Variants in DNAJC9 observed in about 807,000 individuals in gnomAD.
DNAJC9 encodes dnaJ homolog subfamily C member 9.
Under a neutral mutation model 32.4 loss-of-function variants are expected in DNAJC9, and 18 were observed. The ratio of observed to expected loss-of-function variants is 0.56; its 90% CI spans 0.38 to 0.82. The LOEUF is 0.82. Ranked by LOEUF, DNAJC9 falls within the 40% of genes least tolerant of loss-of-function variation. The probability of loss-of-function intolerance (pLI) is 0.00; values close to 1 mark genes in which losing one functional copy is unlikely to be tolerated. For missense variants in DNAJC9, 310 were observed against 321.8 expected (o/e 0.96, Z 0.28); for synonymous variants, 113 against 122.1 (o/e 0.93, Z 0.49).
chr10:73,235,516 T>A, downstream of DNAJC9: 1 of 1,258,244 alleles, frequency 7.9e-7, no homozygotes, highest in Non-Finnish European at 1.1e-6. Flanking sequence ...TAATGCCTTA[T>A]ACAGAAATCA....
chr10:73,236,984 G>A (rs973682331), downstream of DNAJC9, among the ~76,000 whole-genome samples: 1 of 152,108 alleles, frequency 6.6e-6, no homozygotes, highest in Non-Finnish European at 1.5e-5. Context: ...AAAGTGCTGG[G>A]ACTACAGGCA....
At chr10:73,233,691 C>A (rs904468830) in intron 2 of DNAJC9, among the ~76,000 whole-genome samples, 1 of 152,172 alleles carries the variant, frequency 6.6e-6, no homozygotes, top group Non-Finnish European at 1.5e-5. Flanking sequence ...TTCTGTTGAT[C>A]TAGCTAAAGA....
chr10:73,241,213 A>G (rs2043945807), downstream of DNAJC9: 6 of 550,838 alleles, frequency 1.1e-5, no homozygotes, highest in Admixed American at 1.5e-4. Flanking sequence ...TTCTATCTCC[A>G]GTTACTGTCT....
Position 73,243,384 on chromosome 10 carries a change from G to A in DNAJC9, c.*16C>T. ...CATCAATTTACACCTAAGGACCTTT[G>A]AAGAGAAAAATTCCATTATTTCTTT... On this transcript the variant is annotated 3_prime_UTR_variant, in exon 5 of 5. Transcript: ENST00000372950. 6.2e-7 allele frequency: 1 copy of A among 1,612,572 alleles called. No individual in the cohort carries two copies. Among genetic ancestry groups the A allele is most frequent in the Non-Finnish European group, 8.5e-7 (1 of 1,179,776 alleles).
downstream of DNAJC9, among the ~76,000 whole-genome samples, chr10:73,236,615 T>A (rs895638037): frequency 2.0e-5 from 3 of 151,958 alleles, no homozygotes; most frequent in African/African-American, 7.3e-5. Context: ...GGTTTTGCCA[T>A]CTTGGCCAGG....
downstream of DNAJC9, among the ~76,000 whole-genome samples, chr10:73,237,838 C>G (rs560532039): frequency 6.6e-6 from 1 of 152,142 alleles, no homozygotes; most frequent in African/African-American, 2.4e-5. Context: ...ATCCTCCCAC[C>G]GCAGCCTCCC....
intron 3 of DNAJC9, chr10:73,244,616 C>G (rs1423314627): frequency 6.7e-6 from 1 of 150,174 alleles, no homozygotes. Context: ...GTGAACAACC[C>G]CAGTTTAAAA....
intron 3 of DNAJC9, among the ~76,000 whole-genome samples, chr10:73,245,248 T>C (rs939597943): frequency 6.6e-6 from 1 of 152,024 alleles, no homozygotes; most frequent in Non-Finnish European, 1.5e-5. Flanking sequence ...TGCAGAAAAG[T>C]TCCTGAGGGC....
intron 2 of DNAJC9, chr10:73,233,112 CAT>C (rs1248988600): frequency 2.6e-6 from 4 of 1,551,660 alleles, no homozygotes; most frequent in Non-Finnish European, 3.5e-6. Flanking sequence ...ACGAGCCATT[CAT>C]GTGCTGAAAC....
downstream of DNAJC9, chr10:73,241,132 TGAA>T (rs2043943279): frequency 2.8e-6 from 2 of 717,826 alleles, no homozygotes; most frequent in Admixed American, 4.2e-5. Context: ...ATCATCTTCA[TGAA>T]GAGTGATTTT....
intron 2 of DNAJC9, among the ~76,000 whole-genome samples, chr10:73,233,369 T>C (rs1188710520): frequency 6.6e-6 from 1 of 152,174 alleles, no homozygotes; most frequent in Non-Finnish European, 1.5e-5. Context: ...AGATACAGTC[T>C]CACTCCTGTC....
In DNAJC9 at chr10:73,242,664, T is replaced by C. The variant is rs2043967792; in HGVS notation, c.*736A>G. The C allele has an allele frequency of 6.6e-6, 1 of 152,214 alleles. No individual in the cohort carries two copies. The highest frequency in any genetic ancestry group is 1.5e-5 in the Non-Finnish European group (1 of 68,040). The allele number at this position is 152,214 out of a possible 1,614,324, so 9.4% of individuals were successfully genotyped here. ...TTAATGGCAGGACTTCAGTAATCAG[T>C]GGCAGGACTACAACATACATCTCTT... On this transcript the variant is annotated 3_prime_UTR_variant, in exon 5 of 5. Transcript: ENST00000372950.
At position 73,242,213 on chromosome 10, in the gene DNAJC9, T is replaced by C. The variant is rs1175976754; in HGVS notation, c.*1187A>G. ...GTCACAAACCGAAAACGTGTCGTCT[T>C]TACCTTAGAGCTAAAGGCTTACTTT... On this transcript the variant is annotated 3_prime_UTR_variant, in exon 5 of 5. Coordinates refer to ENST00000372950, the MANE Select transcript of DNAJC9 (RefSeq NM_015190.5). 3 of 152,212 alleles carry C rather than the reference T, an allele frequency of 2.0e-5. No homozygotes were observed. The highest frequency in any genetic ancestry group is 4.4e-5 in the Non-Finnish European group (3 of 68,034). The allele number at this position is 152,212 out of a possible 1,614,324, so 9.4% of individuals were successfully genotyped here.
downstream of DNAJC9, among the ~76,000 whole-genome samples, chr10:73,237,268 G>A (rs535840076): frequency 1.5e-4 from 23 of 152,274 alleles, no homozygotes; most frequent in South Asian, 4.8e-3. Context: ...CCAAAAACAA[G>A]AAAAGGAAAC....
chr10:73,235,376 G>A (rs1476833468), downstream of DNAJC9: 1 of 1,544,804 alleles, frequency 6.5e-7, no homozygotes, highest in Non-Finnish European at 8.7e-7. Context: ...AAGGTGGGGG[G>A]AATAATAGTT....
At position 73,232,936 on chromosome 10, in the gene DNAJC9, T is replaced by C. The variant is rs140429141; in HGVS notation, n.147+10907A>G. 51 of 1,530,642 alleles carry C rather than the reference T, an allele frequency of 3.3e-5. 1 individual carries two copies. In the African/African-American group the frequency reaches 6.2e-4, roughly 19 times the overall value. 94.8% of individuals were successfully genotyped at this position (1,530,642 alleles called of 1,614,324 possible). A position where few individuals can be genotyped will look rare whatever the true frequency, so the allele number is the denominator to read the frequency against. On this transcript the variant is annotated intron_variant and non_coding_transcript_variant, in intron 2 of 2. Coordinates refer to the DNAJC9 transcript ENST00000469143. ...CATTGTGGGTTTCTGATTTGGCTAC[T>C]AGAGATCTTGATGACAAGCTACTTA...
intron 3 of DNAJC9, 70 bp downstream of exon 3, chr10:73,245,852 C>T: frequency 6.4e-7 from 1 of 1,557,728 alleles, no homozygotes; most frequent in Non-Finnish European, 8.7e-7. Flanking sequence ...TTTACTTCTA[C>T]TGCTGTAAAT....
Position 73,243,747 on chromosome 10 carries a change from G to A in DNAJC9, c.663+96C>T, listed in dbSNP as rs1357371252. ...GGACAAATAGAAGGTATGCGGTTAT[G>A]TCTTAAAAGAAGAAAACAAAATACA... On this transcript the variant is annotated intron_variant, in intron 4 of 4. Coordinates refer to ENST00000372950, the MANE Select transcript of DNAJC9 (RefSeq NM_015190.5). 4 of 1,239,970 alleles carry A rather than the reference G, an allele frequency of 3.2e-6. No individual in the cohort carries two copies. The African/African-American group carries it at 6.0e-5, about 19-fold the overall frequency. The allele number at this position is 1,239,970 out of a possible 1,614,324, so 76.8% of individuals were successfully genotyped here.
downstream of DNAJC9, among the ~76,000 whole-genome samples, chr10:73,237,237 GCTGA>G (rs1443747111): frequency 6.6e-6 from 1 of 152,158 alleles, no homozygotes; most frequent in African/African-American, 2.4e-5. Context: ...ACCCCACGAG[GCTGA>G]CTTAGGGAGA....
Sources: gnomAD v4.1 joint callset for allele counts (sites outside exome capture counted in the v4.1 genomes callset) on GRCh38, gnomAD v4.1.1 for gene constraint, MANE v1.5 for transcripts, NCBI Gene and HGNC (gene_info 2026-07-23, HGNC 2026-07-21) for gene names.